SS18: variants seen among roughly 807,000 people sequenced by gnomAD.
SS18 encodes the protein protein SSXT.
A neutral mutation model predicts 72.5 loss-of-function variants in SS18; 28 were observed. That is an observed-to-expected ratio of 0.39 (90% CI 0.29 to 0.53). The LOEUF is 0.53. SS18 is among the 20% of genes least tolerant of loss of function. The pLI, the probability that SS18 is intolerant of heterozygous loss-of-function variation, is 0.76. For synonymous variants in SS18, 172 were observed against 164.2 expected (o/e 1.05, Z -0.37); for missense variants, 518 against 535.3 (o/e 0.97, Z 0.32).
chr18:26,077,793 A>C (rs2054443847), intron 3 of SS18, among the ~76,000 whole-genome samples: 1 of 152,160 alleles, frequency 6.6e-6, no homozygotes, highest in Non-Finnish European at 1.5e-5. Flanking sequence ...ACTTGCTGTG[A>C]AACATTTCAG....
chr18:26,027,671 TAAAAAAAAAAAAA>T (rs68048813), intron 10 of SS18, among the ~76,000 whole-genome samples: 5 of 27,294 alleles, frequency 1.8e-4, no homozygotes, highest in East Asian at 8.9e-4. Flanking sequence ...GAGACTCATC[TAAAAAAAAAAAAA>T]AAAAAAAAAA....
At chr18:26,058,065 TG>T (rs2054056142) in intron 3 of SS18, among the ~76,000 whole-genome samples, 2 of 152,268 alleles carry the variant, frequency 1.3e-5, no homozygotes, top group East Asian at 3.8e-4. Flanking sequence ...CTTTCATTAT[TG>T]ATGTATTGGA....
chr18:26,086,924 GTTTTC>G (rs1043973026), intron 2 of SS18, among the ~76,000 whole-genome samples: 26 of 152,192 alleles, frequency 1.7e-4, no homozygotes, highest in African/African-American at 6.0e-4. Flanking sequence ...CCCAAAGAAA[GTTTTC>G]TTTTATAAAT....
chr18:26,016,513 A>T lies in SS18; in HGVS notation c.*1841T>A. The T allele has an allele frequency of 5.5e-6, 1 of 180,376 alleles. No homozygotes were observed. The highest frequency in any genetic ancestry group is 1.2e-5 in the Non-Finnish European group (1 of 84,282). 11.2% of individuals were successfully genotyped at this position (180,376 alleles called of 1,614,324 possible). A position where few individuals can be genotyped will look rare whatever the true frequency, so the allele number is the denominator to read the frequency against. On this transcript the variant is annotated 3_prime_UTR_variant, in exon 11 of 11. Transcript: ENST00000415083. ...CGAGGCGGGTGGATCACCTGAGGTC[A>T]GGAGTTCGAGACCAGCCTGGCCAAC...
At chr18:26,073,588 G>C (rs529755124) in intron 3 of SS18, among the ~76,000 whole-genome samples, 1 of 152,296 alleles carries the variant, frequency 6.6e-6, no homozygotes, top group South Asian at 2.1e-4. Flanking sequence ...ACCTCATTAT[G>C]AATCAAGGCA....
chr18:26,056,938 A>T (rs927479253), intron 4 of SS18, among the ~76,000 whole-genome samples: 2 of 152,240 alleles, frequency 1.3e-5, no homozygotes, highest in East Asian at 1.9e-4. Flanking sequence ...GTCTTAAAAC[A>T]TATCAACCTA....
At chr18:26,053,377 G>T (rs1229781144) in intron 4 of SS18, among the ~76,000 whole-genome samples, 1 of 150,132 alleles carries the variant, frequency 6.7e-6, no homozygotes, top group Admixed American at 6.6e-5. Flanking sequence ...TTAAAAAGAA[G>T]AAACCATAAA....
chr18:26,065,400 G>A (rs1236651025), intron 3 of SS18, among the ~76,000 whole-genome samples: 2 of 152,024 alleles, frequency 1.3e-5, no homozygotes, highest in African/African-American at 4.8e-5. Context: ...CACATATACT[G>A]TCACAACGAA....
At chr18:26,043,184 C>T (rs116148562) in intron 5 of SS18, among the ~76,000 whole-genome samples, 27 of 152,118 alleles carry the variant, frequency 1.8e-4, no homozygotes, top group Non-Finnish European at 2.5e-4. Flanking sequence ...TGTACTGCTA[C>T]GAAAGGCTCT....
chr18:26,052,561 A>C, intron 5 of SS18, 63 bp downstream of exon 5: 1 of 1,336,626 alleles, frequency 7.5e-7, no homozygotes, highest in Non-Finnish European at 1.1e-6. Context: ...CCTGACAACA[A>C]TCATTTTACT....
chr18:26,081,877 G>A (rs2054529995), intron 2 of SS18, among the ~76,000 whole-genome samples: 1 of 152,012 alleles, frequency 6.6e-6, no homozygotes, highest in South Asian at 2.1e-4. Flanking sequence ...GGGCAACAAA[G>A]TGAGACCCTA....
At position 26,090,559 on chromosome 18, in the gene SS18, G is replaced by C. The variant is rs148990438; in HGVS notation, c.11C>G (p.Ala4Gly). MSVAFAAPRQRGKG... is the reference protein window; with the variant it reads MSVGFAAPRQRGKG... ...GCCTCGCTGCCTCGGGGCCGCGAAAGCCACAGACATGTTGCCGCCGTCACC... is the reference window on the plus strand; with the variant it reads ...GCCTCGCTGCCTCGGGGCCGCGAAACCCACAGACATGTTGCCGCCGTCACC... Residue 4 changes from alanine to glycine, a missense_variant, in exon 1 of 11, where the codon GCT becomes GGT. Coordinates refer to ENST00000415083, the MANE Select transcript of SS18 (RefSeq NM_001007559.3). The C allele has an allele frequency of 5.2e-5, 83 of 1,586,018 alleles. No individual in the cohort carries two copies. Among genetic ancestry groups the C allele is most frequent in the Non-Finnish European group, 8.6e-6 (10 of 1,167,008 alleles).
intron 10 of SS18, among the ~76,000 whole-genome samples, chr18:26,024,649 T>C (rs140469775): frequency 2.6e-5 from 4 of 152,288 alleles, no homozygotes; most frequent in East Asian, 1.9e-4. Flanking sequence ...AACCACTGAA[T>C]GGTATACTTT....
At chr18:26,069,927 T>C (rs1208246541) in intron 3 of SS18, among the ~76,000 whole-genome samples, 2 of 152,206 alleles carry the variant, frequency 1.3e-5, no homozygotes, top group African/African-American at 4.8e-5. Context: ...AGAAATGCCA[T>C]TTCTTCAAAG....
At chr18:26,031,557 T>G (rs890162363) in intron 10 of SS18, among the ~76,000 whole-genome samples, 1 of 152,222 alleles carries the variant, frequency 6.6e-6, no homozygotes, top group Non-Finnish European at 1.5e-5. Context: ...GCCATAATAA[T>G]AAATCATTTC....
At chr18:26,072,639 T>G (rs1249001830) in intron 3 of SS18, among the ~76,000 whole-genome samples, 3 of 151,090 alleles carry the variant, frequency 2.0e-5, no homozygotes, top group African/African-American at 7.3e-5. Context: ...CTGTTAAAAA[T>G]ACAAAAAATT....
At chr18:26,066,401 C>T (rs1413992919) in intron 3 of SS18, among the ~76,000 whole-genome samples, 1 of 152,120 alleles carries the variant, frequency 6.6e-6, no homozygotes, top group Non-Finnish European at 1.5e-5. Context: ...CATTTGAAGT[C>T]TATCAGACAT....
At chr18:26,081,747 A>ATTTTTTTTTTTT (rs2054527364) in intron 2 of SS18, among the ~76,000 whole-genome samples, 5 of 149,172 alleles carry the variant, frequency 3.4e-5, no homozygotes, top group African/African-American at 1.3e-4. Flanking sequence ...TACTTTCTTA[A>ATTTTTTTTTTTT]TGTTTTATTC....
intron 2 of SS18, among the ~76,000 whole-genome samples, chr18:26,085,061 G>A (rs2054593286): frequency 6.6e-6 from 1 of 152,148 alleles, no homozygotes; most frequent in Non-Finnish European, 1.5e-5. Context: ...CAATATGGGG[G>A]AGAAATGAAT....
Sources: allele counts gnomAD v4.1 joint callset (sites outside exome capture counted in the v4.1 genomes callset), GRCh38; gene constraint gnomAD v4.1.1; transcripts MANE v1.5; gene names NCBI Gene and HGNC (gene_info 2026-07-23, HGNC 2026-07-21).